CFDP1: variants seen among roughly 807,000 people sequenced by gnomAD.
The protein encoded by CFDP1 is chromatin remodeling protein CFDP1, also known as heterochromatin-stabilizing protein CFDP1.
Under a neutral mutation model 40.1 loss-of-function variants are expected in CFDP1, and 31 were observed. The ratio of observed to expected loss-of-function variants is 0.77; its 90% confidence interval spans 0.58 to 1.04. CFDP1 has a LOEUF of 1.04. Ranked by LOEUF, CFDP1 falls within the 50% of genes least tolerant of loss-of-function variation. The pLI, the probability that CFDP1 is intolerant of heterozygous loss-of-function variation, is 0.00. For missense variants in CFDP1, 423 were observed against 343.4 expected (o/e 1.23, Z -1.83); for synonymous variants, 167 against 120.0 (o/e 1.39, Z -2.56).
intron 5 of CFDP1, among the ~76,000 whole-genome samples, chr16:75,366,860 C>T (rs930674154): frequency 2.6e-5 from 4 of 151,844 alleles, no homozygotes; most frequent in Admixed American, 1.3e-4. Context: ...ATGAAAGTTA[C>T]CACTTTAAAA....
chr16:75,403,059 T>C (rs2079069108), intron 4 of CFDP1, among the ~76,000 whole-genome samples: 1 of 152,194 alleles, frequency 6.6e-6, no homozygotes, highest in African/African-American at 2.4e-5. Context: ...GACATGGTGC[T>C]GCCCTCTTCT....
intron 1 of CFDP1, among the ~76,000 whole-genome samples, chr16:75,420,599 T>C (rs1351556591): frequency 6.6e-6 from 1 of 152,202 alleles, no homozygotes; most frequent in African/African-American, 2.4e-5. Context: ...AACTCAACTG[T>C]GATTTGGACA....
chr16:75,310,786 G>A (rs975175525), intron 5 of CFDP1, among the ~76,000 whole-genome samples: 2 of 152,146 alleles, frequency 1.3e-5, no homozygotes, highest in Admixed American at 1.3e-4. Context: ...TGGAAAGGCT[G>A]ACAGGGCTTA....
intron 5 of CFDP1, among the ~76,000 whole-genome samples, chr16:75,318,811 C>T (rs1361784756): frequency 6.6e-6 from 1 of 152,134 alleles, no homozygotes. Flanking sequence ...AGGATATTAA[C>T]ATAAATTTTA....
chr16:75,310,766 A>G (rs1242417318), intron 5 of CFDP1, among the ~76,000 whole-genome samples: 2 of 152,202 alleles, frequency 1.3e-5, no homozygotes, highest in Non-Finnish European at 2.9e-5. Context: ...TGGGAGAGTA[A>G]CTTGCCAAGT....
intron 5 of CFDP1, among the ~76,000 whole-genome samples, chr16:75,333,741 T>C (rs2078465006): frequency 6.6e-6 from 1 of 152,192 alleles, no homozygotes; most frequent in African/African-American, 2.4e-5. Context: ...AGTCCTGAAA[T>C]GCCACAGACT....
chr16:75,336,906 T>C (rs1463665748), intron 5 of CFDP1, among the ~76,000 whole-genome samples: 2 of 152,242 alleles, frequency 1.3e-5, no homozygotes, highest in Non-Finnish European at 2.9e-5. Flanking sequence ...GTATTTCCTT[T>C]CTTGCGAGCT....
intron 5 of CFDP1, among the ~76,000 whole-genome samples, chr16:75,348,204 C>T (rs540450976): frequency 8.5e-5 from 13 of 152,296 alleles, no homozygotes; most frequent in African/African-American, 2.6e-4. Flanking sequence ...GATCACAGCA[C>T]ACTGCAACTT....
chr16:75,349,690 A>AATATATATATATACAT (rs67126172), intron 5 of CFDP1, among the ~76,000 whole-genome samples: 1 of 13,086 alleles, frequency 7.6e-5, no homozygotes, highest in East Asian at 5.6e-3. Context: ...AAAAAAAAAA[A>AATATATATATATACAT]ATATATATAC....
intron 1 of CFDP1, among the ~76,000 whole-genome samples, chr16:75,418,784 G>T: frequency 6.7e-6 from 1 of 148,690 alleles, no homozygotes; most frequent in East Asian, 2.0e-4. Context: ...GAAAGCACAA[G>T]GTAAAACCAG....
chr16:75,385,058 C>A (rs767732016), intron 5 of CFDP1, among the ~76,000 whole-genome samples: 11 of 150,808 alleles, frequency 7.3e-5, no homozygotes, highest in Non-Finnish European at 1.6e-4. Context: ...ATAGGTATTG[C>A]AGGTACAGAG....
chr16:75,325,451 T>A (rs1202529949), intron 5 of CFDP1, among the ~76,000 whole-genome samples: 1 of 152,222 alleles, frequency 6.6e-6, no homozygotes, highest in African/African-American at 2.4e-5. Context: ...TCCTATTTAA[T>A]ACTGCAAGCT....
chr16:75,321,636 G>A (rs2078364266), intron 5 of CFDP1, among the ~76,000 whole-genome samples: 1 of 152,092 alleles, frequency 6.6e-6, no homozygotes, highest in Admixed American at 6.6e-5. Flanking sequence ...AGAGGGGTGA[G>A]GAAGGGGCTT....
intron 5 of CFDP1, among the ~76,000 whole-genome samples, chr16:75,374,234 CAAAAT>C (rs893036475): frequency 6.6e-6 from 1 of 151,276 alleles, no homozygotes; most frequent in Non-Finnish European, 1.5e-5. Context: ...GAGACTGTCT[CAAAAT>C]AAAATAAAAT....
intron 1 of CFDP1, among the ~76,000 whole-genome samples, chr16:75,425,223 T>C (rs2079324497): frequency 1.3e-5 from 2 of 151,826 alleles, no homozygotes; most frequent in South Asian, 4.2e-4. Flanking sequence ...ACAAAGTGAT[T>C]TTACAATGCA....
At chr16:75,345,669 A>G (rs1219248501) in intron 5 of CFDP1, among the ~76,000 whole-genome samples, 3 of 152,194 alleles carry the variant, frequency 2.0e-5, no homozygotes, top group Non-Finnish European at 2.9e-5. Context: ...AACATCCCAA[A>G]GTCTGCAAGA....
At chr16:75,389,924 T>C (rs1041383629) in intron 5 of CFDP1, among the ~76,000 whole-genome samples, 3 of 152,172 alleles carry the variant, frequency 2.0e-5, no homozygotes, top group African/African-American at 4.8e-5. Context: ...AAAATGAGCA[T>C]ACCAACCTTG....
intron 5 of CFDP1, among the ~76,000 whole-genome samples, chr16:75,315,981 T>C (rs1287990772): frequency 7.9e-5 from 12 of 152,254 alleles, no homozygotes; most frequent in Non-Finnish European, 1.5e-4. Context: ...CCTTTGGTTT[T>C]GTTGTTTTGA....
At chr16:75,394,595 A>G (rs2078980419) in intron 5 of CFDP1, 1 of 151,534 alleles carries the variant, frequency 6.6e-6, no homozygotes, top group African/African-American at 2.4e-5. Flanking sequence ...TGTGTTCAAT[A>G]CTATAAACTA....
Sources: gnomAD v4.1 joint callset for allele counts (sites outside exome capture counted in the v4.1 genomes callset) on GRCh38, gnomAD v4.1.1 for gene constraint, MANE v1.5 for transcripts, NCBI Gene and HGNC (gene_info 2026-07-23, HGNC 2026-07-21) for gene names.